The following PEAK1 variants were observed in gnomAD, a reference collection of about 807,000 sequenced individuals.
PEAK1 encodes the protein inactive tyrosine-protein kinase PEAK1.
A neutral mutation model predicts 124.7 loss-of-function variants in PEAK1; 54 were observed. The observed-to-expected ratio is 0.43, with a 90% CI of 0.35 to 0.54. The LOEUF (loss-of-function observed/expected upper bound fraction) is 0.54. Among genes scored for constraint, PEAK1 ranks in the 20% least tolerant of loss-of-function variants. The probability of loss-of-function intolerance (pLI) is 0.01; values close to 1 mark genes in which losing one functional copy is unlikely to be tolerated. For synonymous variants in PEAK1, 719 were observed against 760.0 expected, an observed-to-expected ratio of 0.95 and a Z score of 0.89; for missense variants, 2,046 against 2,134.5, an observed-to-expected ratio of 0.96 and a Z score of 0.82.
chr15:77,242,755 A>T (rs2060415099), intron 6 of PEAK1, among the ~76,000 whole-genome samples: 1 of 152,176 alleles, frequency 6.6e-6, no homozygotes, highest in South Asian at 2.1e-4. Flanking sequence ...CAAGCTATGG[A>T]AAATTTTGTC....
chr15:77,418,418 C>A (rs1219709579), intron 1 of PEAK1: 6 of 985,414 alleles, frequency 6.1e-6, no homozygotes, highest in Non-Finnish European at 6.0e-6. Flanking sequence ...CCTTTCCCCC[C>A]CGACAGCAAT....
At chr15:77,402,292 A>G in intron 1 of PEAK1, 1 of 985,320 alleles carries the variant, frequency 1.0e-6, no homozygotes, top group Non-Finnish European at 1.2e-6. Context: ...ATTGCTTTAA[A>G]ATGCATATCT....
chr15:77,261,851 G>C (rs2061459230), intron 5 of PEAK1, among the ~76,000 whole-genome samples: 1 of 152,110 alleles, frequency 6.6e-6, no homozygotes, highest in African/African-American at 2.4e-5. Flanking sequence ...GTTAAGGGCA[G>C]CCAGAGAGAA....
chr15:77,402,286 C>A lies in PEAK1; in HGVS notation c.-666+17720G>T, dbSNP rs973620487. The A allele has an allele frequency of 3.0e-6, 3 of 984,670 alleles. No individual in the cohort carries two copies. The African/African-American group carries it at 5.3e-5, about 17-fold the overall frequency. The allele number at this position is 984,670 out of a possible 1,614,324, so 61.0% of individuals were successfully genotyped here. ...CAGAAGGTTTTCAGTAATAGAATTG[C>A]TTTAAAATGCATATCTAGACATCGG... On this transcript the variant is annotated intron_variant, in intron 1 of 9. Transcript: ENST00000682557.
At chr15:77,256,670 T>A (rs1481304778) in intron 5 of PEAK1, among the ~76,000 whole-genome samples, 1 of 149,812 alleles carries the variant, frequency 6.7e-6, no homozygotes, top group African/African-American at 2.5e-5. Context: ...AAATAAAATT[T>A]TATCAGAACA....
Position 77,179,799 on chromosome 15 carries a change from T to TA in PEAK1, c.2127dup (p.Asn710Ter). 1 of 1,614,168 alleles carries TA rather than the reference T, an allele frequency of 6.2e-7. No homozygotes were observed. On this transcript the variant is annotated frameshift_variant, in exon 7 of 10. Transcript: ENST00000682557. LOFTEE classifies it high-confidence loss of function. ...GACTGACCTCTGTTGAGACAGTTGT[T>TA]AAACTCTTGAACCTTCTGAGCCACT...
chr15:77,152,356 T>G (rs866066653), intron 8 of PEAK1, among the ~76,000 whole-genome samples: 11 of 152,224 alleles, frequency 7.2e-5, no homozygotes, highest in African/African-American at 2.6e-4. Context: ...GAGACTTTGC[T>G]GAAGTTGCTT....
intron 2 of PEAK1, chr15:77,348,752 T>C: frequency 1.0e-6 from 1 of 980,252 alleles, no homozygotes; most frequent in Non-Finnish European, 1.2e-6. Flanking sequence ...TATAGAACTG[T>C]GACTAAAACC....
At chr15:77,345,927 T>TATTA in intron 2 of PEAK1, 1 of 985,018 alleles carries the variant, frequency 1.0e-6, no homozygotes, top group Non-Finnish European at 1.2e-6. Flanking sequence ...TACACATACA[T>TATTA]ATTAATTATA....
chr15:77,376,634 G>T (rs1180011947), intron 1 of PEAK1, among the ~76,000 whole-genome samples: 1 of 152,048 alleles, frequency 6.6e-6, no homozygotes, highest in Non-Finnish European at 1.5e-5. Flanking sequence ...TTTCTAAATT[G>T]AATATTATTT....
chr15:77,405,089 T>C (rs972451166), intron 1 of PEAK1, among the ~76,000 whole-genome samples: 4 of 151,690 alleles, frequency 2.6e-5, no homozygotes, highest in Admixed American at 1.3e-4. Context: ...CACTGCAACC[T>C]CCGCCTCCCG....
Position 77,401,715 on chromosome 15 carries a change from T to C in PEAK1, c.-666+18291A>G, listed in dbSNP as rs1174446437. ...AGAGCATAATGTCAAATGCATGAAATGCAATTTGGTATACATTAAAGGTGC... is the reference window on the plus strand; with the variant it reads ...AGAGCATAATGTCAAATGCATGAAACGCAATTTGGTATACATTAAAGGTGC... On this transcript the variant is annotated intron_variant, in intron 1 of 9. Coordinates refer to ENST00000682557, the MANE Select transcript of PEAK1 (RefSeq NM_001385026.1). 5.1e-6 allele frequency: 5 copies of C among 984,874 alleles called. No individual in the cohort carries two copies. In the African/African-American group the frequency reaches 7.0e-5, roughly 14 times the overall value. The allele number at this position is 984,874 out of a possible 1,614,324, so 61.0% of individuals were successfully genotyped here. A position where few individuals can be genotyped will look rare whatever the true frequency, so the allele number is the denominator to read the frequency against.
At chr15:77,326,980 A>C (rs1251740752) in intron 2 of PEAK1, among the ~76,000 whole-genome samples, 1 of 152,142 alleles carries the variant, frequency 6.6e-6, no homozygotes, top group Non-Finnish European at 1.5e-5. Flanking sequence ...AACAAACCAC[A>C]TCCAAAAATA....
chr15:77,156,230 G>A, intron 8 of PEAK1: 1 of 154,960 alleles, frequency 6.5e-6, no homozygotes, highest in Non-Finnish European at 1.4e-5. Flanking sequence ...CCTCGGTGCT[G>A]CATTGCAGTT....
At chr15:77,167,507 A>G (rs185124938) in intron 7 of PEAK1, among the ~76,000 whole-genome samples, 150 of 152,374 alleles carry the variant, frequency 9.8e-4, no homozygotes, top group Non-Finnish European at 1.8e-3. Context: ...ACTTTAGGAA[A>G]AATGTGTCAG....
intron 1 of PEAK1, among the ~76,000 whole-genome samples, chr15:77,410,011 G>A (rs1039915855): frequency 6.6e-6 from 1 of 151,874 alleles, no homozygotes; most frequent in African/African-American, 2.4e-5. Flanking sequence ...GGCAGGTTAT[G>A]AGCTACTTGA....
chr15:77,417,732 T>C, intron 1 of PEAK1: 1 of 985,390 alleles, frequency 1.0e-6, no homozygotes. Context: ...ATCAGTACAG[T>C]TAAAAAGAAC....
intron 2 of PEAK1, among the ~76,000 whole-genome samples, chr15:77,359,013 T>C (rs1597429417): frequency 6.6e-6 from 1 of 152,302 alleles, no homozygotes; most frequent in Non-Finnish European, 1.5e-5. Flanking sequence ...TCATATACTT[T>C]CTGACAAAAA....
chr15:77,276,778 T>C (rs562766183), intron 5 of PEAK1, among the ~76,000 whole-genome samples: 2 of 152,004 alleles, frequency 1.3e-5, no homozygotes, highest in African/African-American at 2.4e-5. Context: ...TCAAAATGTA[T>C]GTAAAGAAAA....
Sources: gnomAD v4.1 joint callset for allele counts (sites outside exome capture counted in the v4.1 genomes callset) on GRCh38, gnomAD v4.1.1 for gene constraint, MANE v1.5 for transcripts, NCBI Gene and HGNC (gene_info 2026-07-23, HGNC 2026-07-21) for gene names.